The following CTBP2 variants were observed in gnomAD, a reference collection of about 807,000 sequenced individuals.
CTBP2 encodes the protein C-terminal binding protein 2, also known as C-terminal-binding protein 2.
Under a neutral mutation model 80.3 loss-of-function variants are expected in CTBP2, and 30 were observed. The observed-to-expected ratio is 0.37, with a 90% CI of 0.28 to 0.51. The LOEUF is 0.51. Ranked by LOEUF, CTBP2 falls within the 20% of genes least tolerant of loss-of-function variation. The pLI is 0.93. For missense variants in CTBP2, 1,212 were observed against 1,375.3 expected, an observed-to-expected ratio of 0.88 and a Z score of 1.88; for synonymous variants, 594 against 587.4, an observed-to-expected ratio of 1.01 and a Z score of -0.16.
intron 1 of CTBP2, among the ~76,000 whole-genome samples, chr10:125,130,721 G>T (rs1398988728): frequency 6.6e-6 from 1 of 152,162 alleles, no homozygotes; most frequent in Non-Finnish European, 1.5e-5. Flanking sequence ...TCACCCAGAT[G>T]GTGGGGAAGG....
chr10:125,035,729 T>C (rs1227792899), intron 3 of CTBP2, among the ~76,000 whole-genome samples: 2 of 152,194 alleles, frequency 1.3e-5, no homozygotes, highest in Non-Finnish European at 2.9e-5. Context: ...AATAGATGTT[T>C]GGGGCAAACC....
chr10:125,028,691 C>G (rs1413139868), upstream of CTBP2, among the ~76,000 whole-genome samples: 1 of 152,214 alleles, frequency 6.6e-6, no homozygotes, highest in Non-Finnish European at 1.5e-5. Context: ...GTGACTGCAA[C>G]AGAGGTCACA....
chr10:125,056,616 C>A (rs1963993491), intron 2 of CTBP2, among the ~76,000 whole-genome samples: 1 of 152,256 alleles, frequency 6.6e-6, no homozygotes, highest in Admixed American at 6.5e-5. Context: ...AGCCCCACAG[C>A]TGCTCTTTGT....
At chr10:125,160,272 A>AGGCGGG (rs1292893069) in intron 1 of CTBP2, 47 bp downstream of exon 1, 6 of 150,544 alleles carry the variant, frequency 4.0e-5, no homozygotes, top group Admixed American at 6.6e-5. Context: ...GCCGCAGGTG[A>AGGCGGG]GGCGGGGGCG....
upstream of CTBP2, among the ~76,000 whole-genome samples, chr10:125,029,427 AGC>A (rs1957965771): frequency 1.3e-5 from 2 of 152,086 alleles, no homozygotes; most frequent in Admixed American, 6.5e-5. Flanking sequence ...TTTTTAGTAG[AGC>A]CTACCATGTC....
intron 6 of CTBP2, 49 bp from the exon 9 acceptor site, chr10:124,993,378 TC>T: frequency 6.4e-7 from 1 of 1,574,648 alleles, no homozygotes; most frequent in Non-Finnish European, 8.7e-7. Flanking sequence ...TCGCATACGC[TC>T]CCTGCCCTCC....
At chr10:125,044,999 C>T (rs369669472) in intron 2 of CTBP2, among the ~76,000 whole-genome samples, 158 of 152,186 alleles carry the variant, frequency 1.0e-3, no homozygotes, top group African/African-American at 3.5e-3. Flanking sequence ...AGCTATGGAC[C>T]GAATGCTTGT....
chr10:125,085,490 G>C (rs1034508565), intron 2 of CTBP2, among the ~76,000 whole-genome samples: 2 of 152,194 alleles, frequency 1.3e-5, no homozygotes, highest in African/African-American at 4.8e-5. Context: ...TTTAGTGCAG[G>C]ATTTAGCTGT....
chr10:125,009,714 G>C (rs1196061747), intron 1 of CTBP2, among the ~76,000 whole-genome samples: 2 of 152,162 alleles, frequency 1.3e-5, no homozygotes, highest in Admixed American at 1.3e-4. Context: ...CCAAGCTGGG[G>C]GCCAGATTCT....
intron 2 of CTBP2, among the ~76,000 whole-genome samples, chr10:125,101,345 G>C (rs1850587961): frequency 6.6e-6 from 1 of 152,220 alleles, no homozygotes. Context: ...AAATTGCAGA[G>C]ACCTCAAGCC....
intron 2 of CTBP2, among the ~76,000 whole-genome samples, chr10:125,092,159 T>C (rs1848850421): frequency 6.6e-6 from 1 of 151,176 alleles, no homozygotes; most frequent in Non-Finnish European, 1.5e-5. Flanking sequence ...AGAGCATGGT[T>C]TCCTTGTCTG....
chr10:125,061,374 C>T (rs1020384176), intron 2 of CTBP2, among the ~76,000 whole-genome samples: 3 of 152,158 alleles, frequency 2.0e-5, no homozygotes, highest in African/African-American at 4.8e-5. Context: ...CTTCCCTTGA[C>T]GGTGGCTCCA....
intron 1 of CTBP2, among the ~76,000 whole-genome samples, chr10:125,154,883 C>T (rs1665351113): frequency 6.6e-6 from 1 of 152,166 alleles, no homozygotes; most frequent in Non-Finnish European, 1.5e-5. Flanking sequence ...CATGAACATC[C>T]AGCAAAAACT....
chr10:125,144,370 C>T (rs769824425), intron 1 of CTBP2, among the ~76,000 whole-genome samples: 1 of 152,202 alleles, frequency 6.6e-6, no homozygotes, highest in Admixed American at 6.5e-5. Context: ...CCAGCCTATG[C>T]GGCTTGCCAA....
chr10:125,038,962 G>A (rs371767702), intron 3 of CTBP2, 35 bp downstream of exon 3: 9 of 1,606,510 alleles, frequency 5.6e-6, no homozygotes, highest in South Asian at 2.2e-5. Flanking sequence ...GAGGGACTAC[G>A]TATGTTTGGT....
chr10:125,114,514 C>T (rs1328599712), intron 1 of CTBP2, among the ~76,000 whole-genome samples: 1 of 151,950 alleles, frequency 6.6e-6, no homozygotes, highest in African/African-American at 2.4e-5. Flanking sequence ...TAGACAGGAC[C>T]CCCTACCCCA....
At chr10:125,123,775 G>A (rs1005680624) in intron 1 of CTBP2, among the ~76,000 whole-genome samples, 3 of 152,208 alleles carry the variant, frequency 2.0e-5, no homozygotes, top group African/African-American at 7.2e-5. Context: ...AGAGATGCTC[G>A]TGCTACGTCA....
chr10:125,005,090 C>T (rs116643175), intron 1 of CTBP2, among the ~76,000 whole-genome samples: 2,382 of 152,328 alleles, frequency 0.016, 57 homozygotes, highest in African/African-American at 0.055. Flanking sequence ...GCCGTGACTG[C>T]ATCCTGTTAA....
chr10:125,021,192 C>T (rs928316446), intron 1 of CTBP2, among the ~76,000 whole-genome samples: 4 of 152,172 alleles, frequency 2.6e-5, no homozygotes, highest in Admixed American at 1.3e-4. Flanking sequence ...ACAAGAAAAG[C>T]GCCATTCCCC....
Sources: allele counts gnomAD v4.1 joint callset (sites outside exome capture counted in the v4.1 genomes callset), GRCh38; gene constraint gnomAD v4.1.1; transcripts MANE v1.5; gene names NCBI Gene and HGNC (gene_info 2026-07-23, HGNC 2026-07-21).